Variants in KCNJ6 observed in about 807,000 individuals in gnomAD.
KCNJ6 encodes the protein potassium inwardly rectifying channel subfamily J member 6, also known as G protein-activated inward rectifier potassium channel 2.
Under a neutral mutation model 34.2 loss-of-function variants are expected in KCNJ6, and 9 were observed. The ratio of observed to expected loss-of-function variants is 0.26; its 90% CI spans 0.16 to 0.46. The LOEUF is 0.46. KCNJ6 is among the 20% of genes least tolerant of loss of function. The pLI is 1.00. For missense variants in KCNJ6, 236 were observed against 531.3 expected (o/e 0.44, Z 5.46); for synonymous variants, 196 against 207.1 (o/e 0.95, Z 0.46).
intron 2 of KCNJ6, among the ~76,000 whole-genome samples, chr21:37,769,108 G>A (rs968522867): frequency 9.2e-5 from 14 of 152,176 alleles, no homozygotes; most frequent in Admixed American, 2.0e-4. Context: ...TGCTGCGCAC[G>A]GGGTGATGTG....
intron 1 of KCNJ6, among the ~76,000 whole-genome samples, chr21:37,854,421 TC>T (rs146657015): frequency 0.028 from 4,300 of 152,252 alleles, 198 homozygotes; most frequent in African/African-American, 0.096. Context: ...ATATATGTCC[TC>T]ACTCATACTT....
At chr21:37,763,200 A>G (rs1417866391) in intron 2 of KCNJ6, among the ~76,000 whole-genome samples, 2 of 152,158 alleles carry the variant, frequency 1.3e-5, no homozygotes, top group Non-Finnish European at 2.9e-5. Flanking sequence ...CAGACCCTGC[A>G]GCAGCTCCCA....
At chr21:37,859,292 T>C (rs867556870) in intron 1 of KCNJ6, among the ~76,000 whole-genome samples, 2 of 151,364 alleles carry the variant, frequency 1.3e-5, no homozygotes, top group African/African-American at 2.4e-5. Flanking sequence ...AGCATACATA[T>C]ATATTTTTTA....
intron 3 of KCNJ6, among the ~76,000 whole-genome samples, chr21:37,705,768 T>C (rs1487929985): frequency 6.6e-6 from 1 of 152,236 alleles, no homozygotes; most frequent in Non-Finnish European, 1.5e-5. Flanking sequence ...ATTTAAAAGC[T>C]AGAGGAGAAG....
rs1190354650 is a variant in KCNJ6 at position 37,814,921 on chromosome 21, G to A, written c.25+25737C>T. Among the ~76,000 whole-genome samples, 95 of 140,116 alleles carry A rather than the reference G, an allele frequency of 6.8e-4. 1 individual carries two copies. Among genetic ancestry groups the A allele is most frequent in the Non-Finnish European group, 1.2e-3 (82 of 65,736 alleles). 91.9% of individuals were successfully genotyped at this position (140,116 alleles called of 152,430 possible). On this transcript the variant is annotated intron_variant, in intron 2 of 3. Coordinates refer to ENST00000609713, the MANE Select transcript of KCNJ6 (RefSeq NM_002240.5). ...CAAAAAAAAAAAAAAAAAAAAGAAC[G>A]AGAATTTTTCCATGGATGGAAAAAT...
At chr21:37,651,377 G>A (rs1011262579) in intron 3 of KCNJ6, among the ~76,000 whole-genome samples, 1 of 152,224 alleles carries the variant, frequency 6.6e-6, no homozygotes, top group Non-Finnish European at 1.5e-5. Flanking sequence ...TGGAGAGTTT[G>A]GAGGAGATAG....
intron 2 of KCNJ6, among the ~76,000 whole-genome samples, chr21:37,760,138 G>A (rs566730983): frequency 6.6e-6 from 1 of 152,326 alleles, no homozygotes; most frequent in East Asian, 1.9e-4. Flanking sequence ...GAACCTACAA[G>A]AGAATAAGTC....
chr21:37,822,895 G>A (rs1175168027), intron 2 of KCNJ6, among the ~76,000 whole-genome samples: 2 of 152,102 alleles, frequency 1.3e-5, no homozygotes, highest in African/African-American at 2.4e-5. Context: ...GTCAGCAGGG[G>A]GTGGAATAAG....
chr21:37,627,974 A>G (rs945164480), intron 3 of KCNJ6, among the ~76,000 whole-genome samples: 1 of 152,230 alleles, frequency 6.6e-6, no homozygotes, highest in African/African-American at 2.4e-5. Context: ...GGCCATATAC[A>G]CAAAAAGTAC....
intron 1 of KCNJ6, among the ~76,000 whole-genome samples, chr21:37,889,842 T>C (rs1409427311): frequency 2.0e-5 from 3 of 152,214 alleles, no homozygotes; most frequent in Non-Finnish European, 4.4e-5. Context: ...TGGATTAACA[T>C]TCACCCTAAT....
In KCNJ6 at chr21:37,685,382, C is replaced by A. The variant is rs1466677495; in HGVS notation, c.946+28829G>T. Among the ~76,000 whole-genome samples, 3 of 150,502 alleles carry A rather than the reference C, an allele frequency of 2.0e-5. No homozygotes were observed. The East Asian group carries it at 6.0e-4, about 30-fold the overall frequency. On this transcript the variant is annotated intron_variant, in intron 3 of 3. Coordinates refer to ENST00000609713, the MANE Select transcript of KCNJ6 (RefSeq NM_002240.5). The stretch of plus-strand genomic sequence containing the variant: ...ATCCTCTTTTATCCCATCAATCTCA[C>A]TTCTAAGAATCTATCCTGGCCGGGT...
chr21:37,664,825 C>T (rs1380129408), intron 3 of KCNJ6, among the ~76,000 whole-genome samples: 4 of 127,268 alleles, frequency 3.1e-5, no homozygotes, highest in African/African-American at 1.2e-4. Flanking sequence ...GAGATGGAGT[C>T]TCGCTTTGTT....
At chr21:37,751,381 C>T (rs1169785012) in intron 2 of KCNJ6, among the ~76,000 whole-genome samples, 1 of 152,224 alleles carries the variant, frequency 6.6e-6, no homozygotes, top group Non-Finnish European at 1.5e-5. Flanking sequence ...TGGGCTCATT[C>T]CCATCCCTCT....
At chr21:37,762,103 G>A (rs186177094) in intron 2 of KCNJ6, among the ~76,000 whole-genome samples, 77 of 152,304 alleles carry the variant, frequency 5.1e-4, no homozygotes, top group African/African-American at 1.8e-3. Flanking sequence ...GTGCAGGATT[G>A]CACCTATCCT....
chr21:37,655,242 A>T (rs1256459166), intron 3 of KCNJ6, among the ~76,000 whole-genome samples: 1 of 11,226 alleles, frequency 8.9e-5, no homozygotes, highest in African/African-American at 4.1e-4. Context: ...AGAGAGAGAG[A>T]GAGAGAGAGA....
Position 37,720,987 on chromosome 21 carries a change from G to A in KCNJ6, c.26-5856C>T, listed in dbSNP as rs561178656. Among the ~76,000 whole-genome samples the A allele has an allele frequency of 2.5e-4, 38 of 152,176 alleles. No homozygotes were observed. In the South Asian group the frequency reaches 5.0e-3, roughly 20 times the overall value. On this transcript the variant is annotated intron_variant, in intron 2 of 3. Coordinates refer to ENST00000609713, the MANE Select transcript of KCNJ6 (RefSeq NM_002240.5). ...CTCCCAAAGTGCTGGGATTACAGGC[G>A]TGAGCCACCGCGCCCGGCCGAGAAA...
At chr21:37,754,979 C>G (rs1033493382) in intron 2 of KCNJ6, among the ~76,000 whole-genome samples, 1 of 152,094 alleles carries the variant, frequency 6.6e-6, no homozygotes, top group Admixed American at 6.5e-5. Context: ...TGGAGCTTCT[C>G]AATAGGTAGC....
chr21:37,702,606 G>A (rs1017634066), intron 3 of KCNJ6, among the ~76,000 whole-genome samples: 1 of 152,174 alleles, frequency 6.6e-6, no homozygotes, highest in African/African-American at 2.4e-5. Context: ...AAATCTTTGA[G>A]TGCAGAGCTC....
At chr21:37,791,221 A>C (rs2055215314) in intron 2 of KCNJ6, among the ~76,000 whole-genome samples, 1 of 152,246 alleles carries the variant, frequency 6.6e-6, no homozygotes, top group Non-Finnish European at 1.5e-5. Context: ...GTTTCTGATT[A>C]ACCTTACATT....
Sources: allele counts gnomAD v4.1 joint callset (sites outside exome capture counted in the v4.1 genomes callset), GRCh38; gene constraint gnomAD v4.1.1; transcripts MANE v1.5; gene names NCBI Gene and HGNC (gene_info 2026-07-23, HGNC 2026-07-21).